The following ODC1 variants were observed in gnomAD, a reference collection of about 807,000 sequenced individuals.
ODC1 encodes the protein ornithine decarboxylase 1.
A neutral mutation model predicts 41.5 loss-of-function variants in ODC1; 18 were observed. The observed-to-expected ratio is 0.43, with a 90% CI of 0.30 to 0.64. The LOEUF (loss-of-function observed/expected upper bound fraction) is 0.64, where lower values mean the gene tolerates loss of function less well. Ranked by LOEUF, ODC1 falls within the 30% of genes least tolerant of loss-of-function variation. The pLI, the probability that ODC1 is intolerant of heterozygous loss-of-function variation, is 0.11. For missense variants in ODC1, 504 were observed against 589.0 expected, an observed-to-expected ratio of 0.86 and a Z score of 1.49; for synonymous variants, 218 against 211.6, an observed-to-expected ratio of 1.03 and a Z score of -0.26.
At position 10,443,330 on chromosome 2, in the gene ODC1, A is replaced by G. The variant is rs1052222200; in HGVS notation, c.667-17T>C. The G allele has an allele frequency of 5.0e-6, 8 of 1,606,546 alleles. No individual in the cohort carries two copies. The highest frequency in any genetic ancestry group is 5.1e-6 in the Non-Finnish European group (6 of 1,176,684). On this transcript the variant is annotated splice_polypyrimidine_tract_variant and intron_variant, in intron 7 of 11. Coordinates refer to ENST00000234111, the MANE Select transcript of ODC1 (RefSeq NM_002539.3). Reference sequence around the variant, plus strand: ...AACCTCAGCCTAGAATCAAGAAAATAAGTCAGCCAGATCCACAGCTAATAA... The same window carrying G: ...AACCTCAGCCTAGAATCAAGAAAATGAGTCAGCCAGATCCACAGCTAATAA...
In ODC1 at chr2:10,443,557, C is replaced by A; in HGVS notation, c.599G>T (p.Ser200Ile). The change falls in exon 7 of 12, where the codon AGC becomes ATC. Residue 200 changes from serine (S) to isoleucine (I), a missense_variant. By Grantham distance (142) the Ser-to-Ile change is moderately radical (BLOSUM62 -2). Around this residue, in one of 3 missense-constraint regions of ODC1, gnomAD observed 447 missense variants for 524.4 expected, o/e 0.85. Transcript: ENST00000234111. Reference sequence around the variant, plus strand: ...GAAGGTCTCAGGATCGGTACAGCCGCTTCCTACATGGAAGCTGGGGTAAAA... The same window carrying A: ...GAAGGTCTCAGGATCGGTACAGCCGATTCCTACATGGAAGCTGGGGTAAAA... The part of the protein sequence containing the change: ...DVVGVSFHVG[S>I]GCTDPETFVQ... 1.2e-6 allele frequency: 2 copies of A among 1,613,724 alleles called. No homozygotes were observed. Among genetic ancestry groups the A allele is most frequent in the Non-Finnish European group, 1.7e-6 (2 of 1,179,710 alleles).
Position 10,444,491 on chromosome 2 carries a change from A to C in ODC1, c.259T>G (p.Phe87Val). ...TCGCTTACCTTGCTAGCACAGTCAA[A>C]TCCTGTCCCGGTAGCAGCAAGGGTC... is the stretch of plus-strand genomic sequence containing the variant. ...VKTLAATGTGFDCASKTEIQL... is the reference protein window; with the variant it reads ...VKTLAATGTGVDCASKTEIQL... The change falls in exon 4 of 12, where the codon TTT becomes GTT. Residue 87 changes from phenylalanine to valine, a missense_variant. Around this residue, in one of 3 missense-constraint regions of ODC1, gnomAD observed 447 missense variants for 524.4 expected, o/e 0.85. Coordinates refer to ENST00000234111, the MANE Select transcript of ODC1 (RefSeq NM_002539.3). 1 of 1,612,746 alleles carries C rather than the reference A, an allele frequency of 6.2e-7. No individual in the cohort carries two copies. Among genetic ancestry groups the C allele is most frequent in the Non-Finnish European group, 8.5e-7 (1 of 1,179,572 alleles).
rs1671845769 is a variant in ODC1, at chr2:10,442,132, A to G, written c.793T>C (p.Ser265Pro). The G allele has an allele frequency of 6.2e-6, 10 of 1,613,758 alleles. No homozygotes were observed. The highest frequency in any genetic ancestry group is 8.5e-6 in the Non-Finnish European group (10 of 1,179,890). Residue 265 changes from serine (S) to proline (P), a missense_variant, in exon 9 of 12, where the codon TCA becomes CCA. By Grantham distance (74) the Ser-to-Pro change is moderately conservative (BLOSUM62 -1). Around this residue, in one of 3 missense-constraint regions of ODC1, gnomAD observed 447 missense variants for 524.4 expected, o/e 0.85. Transcript: ENST00000234111. ...INPALDKYFP[S>P]DSGVRIIAEP... ...GCTATGATTCTCACTCCAGAGTCTGACGGAAAGTATTTGTCCAACGCTGGG... is the reference window on the plus strand; with the variant it reads ...GCTATGATTCTCACTCCAGAGTCTGGCGGAAAGTATTTGTCCAACGCTGGG...
At position 10,444,001 on chromosome 2, in the gene ODC1, A is replaced by G. The variant is rs1671928920; in HGVS notation, c.449+94T>C. ...GGTTTCAACTACTTTCTACTAAAGTATAGAAATATAATAATCAGAAATTTA... is the reference window on the plus strand; with the variant it reads ...GGTTTCAACTACTTTCTACTAAAGTGTAGAAATATAATAATCAGAAATTTA... On this transcript the variant is annotated intron_variant, in intron 5 of 11. Transcript: ENST00000234111. The G allele has an allele frequency of 9.5e-6, 14 of 1,469,912 alleles. No individual in the cohort carries two copies. The South Asian group carries it at 1.9e-4, about 20-fold the overall frequency. The allele number at this position is 1,469,912 out of a possible 1,614,324, so 91.1% of individuals were successfully genotyped here.
Position 10,440,670 on chromosome 2 carries a change from C to T in ODC1, c.*54G>A. On this transcript the variant is annotated 3_prime_UTR_variant, in exon 12 of 12. Coordinates refer to ENST00000234111, the MANE Select transcript of ODC1 (RefSeq NM_002539.3). ...AGCAGTAATTAAGTTACATGGTCCC[C>T]CCAAATCCCTTAATTCAAGCTAAAC... The T allele has an allele frequency of 6.3e-7, 1 of 1,579,770 alleles. No homozygotes were observed. The highest frequency in any genetic ancestry group is 8.7e-7 in the Non-Finnish European group (1 of 1,154,898).
intron 1 of ODC1, among the ~76,000 whole-genome samples, chr2:10,445,588 T>C (rs1406562901): frequency 6.6e-6 from 1 of 152,264 alleles, no homozygotes; most frequent in African/African-American, 2.4e-5. Flanking sequence ...ATGGTCTGAT[T>C]TATTTCAGAG....
rs1314331601 is a variant in ODC1, at chr2:10,440,168, C to G, written c.*556G>C. ...CGTCAGACTTAAGTAGGTCCCACCA[C>G]CAGAGGCTCTGGACAAGGAGTTTGC... On this transcript the variant is annotated 3_prime_UTR_variant, in exon 12 of 12. Coordinates refer to ENST00000234111, the MANE Select transcript of ODC1 (RefSeq NM_002539.3). The G allele has an allele frequency of 1.3e-5, 2 of 152,852 alleles. No homozygotes were observed. The highest frequency in any genetic ancestry group is 4.8e-5 in the African/African-American group (2 of 41,442). 9.5% of individuals were successfully genotyped at this position (152,852 alleles called of 1,614,324 possible).
chr2:10,445,835 C>T (rs1304988566), intron 1 of ODC1, among the ~76,000 whole-genome samples: 1 of 152,008 alleles, frequency 6.6e-6, no homozygotes, highest in African/African-American at 2.4e-5. Context: ...AGGATTTCAC[C>T]ACGTTGTCCA....
chr2:10,443,934 TATATTCTGTAG>T, intron 5 of ODC1, 98 bp from the exon 6 acceptor site: 1 of 1,540,472 alleles, frequency 6.5e-7, no homozygotes, highest in Non-Finnish European at 8.9e-7. Context: ...CTGTCGCTGA[TATATTCTGTAG>T]TTTGAGTCCC....
chr2:10,444,002 T>C (rs533618612), intron 5 of ODC1, 93 bp downstream of exon 5: 21 of 1,475,980 alleles, frequency 1.4e-5, no homozygotes, highest in East Asian at 4.6e-5. Flanking sequence ...TACTAAAGTA[T>C]AGAAATATAA....
At chr2:10,442,290 GT>G in intron 8 of ODC1, 116 bp from the exon 9 acceptor site, 1 of 1,076,488 alleles carries the variant, frequency 9.3e-7, no homozygotes, top group Non-Finnish European at 1.3e-6. Flanking sequence ...CAACAGACAG[GT>G]TTATCATTAA....
Position 10,444,465 on chromosome 2 carries a change from A to G in ODC1, c.276+9T>C. 1 of 1,601,572 alleles carries G rather than the reference A, an allele frequency of 6.2e-7. No homozygotes were observed. The highest frequency in any genetic ancestry group is 8.5e-7 in the Non-Finnish European group (1 of 1,174,514). Reference sequence around the variant, plus strand: ...TACAACGCTTTTGAGGCCTGCTGCTATCGCTTACCTTGCTAGCACAGTCAA... The same window carrying G: ...TACAACGCTTTTGAGGCCTGCTGCTGTCGCTTACCTTGCTAGCACAGTCAA... On this transcript the variant is annotated intron_variant, in intron 4 of 11. Coordinates refer to ENST00000234111, the MANE Select transcript of ODC1 (RefSeq NM_002539.3).
Position 10,443,819 on chromosome 2 carries a change from G to A in ODC1, c.467C>T (p.Ala156Val). Reference sequence around the variant, plus strand: ...ACAGACTGCTTTGGAATCATCAGTGGCAATCCGCAAAACCAACCTACAAGC... The same window carrying A: ...ACAGACTGCTTTGGAATCATCAGTGACAATCCGCAAAACCAACCTACAAGC... ...HPKAKLVLRI[A>V]TDDSKAVCRL... is the part of the protein sequence containing the mutation. Residue 156 changes from alanine to valine, a missense_variant, in exon 6 of 12, where the codon GCC becomes GTC. By Grantham distance (64) the Ala-to-Val change is moderately conservative. Around this residue, in one of 3 missense-constraint regions of ODC1, gnomAD observed 447 missense variants for 524.4 expected, o/e 0.85. Transcript: ENST00000234111. 6.2e-7 allele frequency: 1 copy of A among 1,614,022 alleles called. No homozygotes were observed. Among genetic ancestry groups the A allele is most frequent in the African/African-American group, 1.3e-5 (1 of 75,026 alleles).
intron 1 of ODC1, among the ~76,000 whole-genome samples, chr2:10,445,545 A>G (rs985955925): frequency 6.6e-6 from 1 of 152,264 alleles, no homozygotes; most frequent in Non-Finnish European, 1.5e-5. Context: ...GCTTATCTGC[A>G]CTTAGCTCAC....
At chr2:10,446,922 C>A in intron 1 of ODC1, 1 of 164,546 alleles carries the variant, frequency 6.1e-6, no homozygotes, top group South Asian at 1.2e-4. Flanking sequence ...CCTAAATCAC[C>A]CCTCGGAGAA....
intron 1 of ODC1, among the ~76,000 whole-genome samples, 187 bp from the exon 2 acceptor site, chr2:10,445,451 CAAA>C (rs1445703359): frequency 6.6e-6 from 1 of 152,064 alleles, no homozygotes; most frequent in East Asian, 1.9e-4. Context: ...AAGGACACAA[CAAA>C]AAATACCAGG....
Position 10,443,405 on chromosome 2 carries a change from C to T in ODC1, c.666+85G>A, listed in dbSNP as rs193033745. 3 of 1,555,894 alleles carry T rather than the reference C, an allele frequency of 1.9e-6. No individual in the cohort carries two copies. The African/African-American group carries it at 4.1e-5, about 21-fold the overall frequency. On this transcript the variant is annotated intron_variant, in intron 7 of 11. Coordinates refer to ENST00000234111, the MANE Select transcript of ODC1 (RefSeq NM_002539.3). ...TGAAACCCATGTAATACAGAACCAA[C>T]TGCCATAAAAAGTTAACTCTAGAAT... is the stretch of plus-strand genomic sequence containing the variant.
intron 11 of ODC1, 116 bp downstream of exon 11, chr2:10,441,393 A>T: frequency 9.4e-7 from 1 of 1,066,618 alleles, no homozygotes; most frequent in East Asian, 2.6e-5. Flanking sequence ...CTTAGGAAAA[A>T]TATCCATATA....
chr2:10,444,517 T>G lies in ODC1; in HGVS notation c.233A>C (p.Lys78Thr). Reference protein sequence around the residue: ...VKCNDSKAIVKTLAATGTGFD... With the variant: ...VKCNDSKAIVTTLAATGTGFD... ...TCCTGTCCCGGTAGCAGCAAGGGTC[T>G]TCACGATGGCTTTGCTATCATTACA... The change falls in exon 4 of 12, where the codon AAG becomes ACG. Residue 78 changes from lysine to threonine, a missense_variant. By Grantham distance (78) the Lys-to-Thr change is moderately conservative. This residue lies in a region of ODC1 where 447 missense variants were observed against 524.4 expected (regional missense o/e 0.85). Transcript: ENST00000234111. The G allele has an allele frequency of 6.2e-7, 1 of 1,613,890 alleles. No homozygotes were observed.
Sources: allele counts gnomAD v4.1 joint callset (sites outside exome capture counted in the v4.1 genomes callset), GRCh38; gene constraint gnomAD v4.1.1; regional missense constraint gnomAD v4.1.1; transcripts MANE v1.5; gene names NCBI Gene and HGNC (gene_info 2026-07-23, HGNC 2026-07-21).